ARHGAP32: variants seen among roughly 807,000 people sequenced by gnomAD.
The protein encoded by ARHGAP32 is Rho GTPase activating protein 32, also known as rho GTPase-activating protein 32.
Under a neutral mutation model 186.5 loss-of-function variants are expected in ARHGAP32, and 51 were observed. The observed-to-expected ratio is 0.27, with a 90% CI of 0.22 to 0.35. The LOEUF (loss-of-function observed/expected upper bound fraction) is 0.35, where lower values mean the gene tolerates loss of function less well. Among genes scored for constraint, ARHGAP32 ranks in the 10% least tolerant of loss-of-function variants. ARHGAP32 has a pLI of 1.00. For synonymous variants in ARHGAP32, 950 were observed against 964.3 expected (o/e 0.99, Z 0.27); for missense variants, 2,186 against 2,623.5 (o/e 0.83, Z 3.64).
At chr11:129,214,005 C>T (rs1463544664) in intron 1 of ARHGAP32, among the ~76,000 whole-genome samples, 2 of 151,692 alleles carry the variant, frequency 1.3e-5, no homozygotes, top group Admixed American at 6.6e-5. Context: ...CCGGAAAACC[C>T]GTAACTCCAG....
intron 1 of ARHGAP32, among the ~76,000 whole-genome samples, chr11:129,259,921 A>T (rs1296216733): frequency 6.6e-6 from 1 of 152,118 alleles, no homozygotes; most frequent in Non-Finnish European, 1.5e-5. Context: ...TCATTCAACA[A>T]TTCTGTAGAA....
At chr11:129,266,312 T>C (rs1262892267) in intron 1 of ARHGAP32, among the ~76,000 whole-genome samples, 1 of 152,190 alleles carries the variant, frequency 6.6e-6, no homozygotes, top group Non-Finnish European at 1.5e-5. Flanking sequence ...CCTCTTACTC[T>C]TTCAGGTGGA....
rs1355572890 is a variant in ARHGAP32 at position 128,990,661 on chromosome 11, C to A, written c.1196-2536G>T. On this transcript the variant is annotated intron_variant, in intron 12 of 22. Coordinates refer to ENST00000682385, the MANE Select transcript of ARHGAP32 (RefSeq NM_001378024.1). ...TTGATATTAGAAGCAACCTCTGTGTCGAAATGATATGCAAAATACATAGCA... is the reference window on the plus strand; with the variant it reads ...TTGATATTAGAAGCAACCTCTGTGTAGAAATGATATGCAAAATACATAGCA... Among the ~76,000 whole-genome samples, 3 of 152,092 alleles carry A rather than the reference C, an allele frequency of 2.0e-5. No individual in the cohort carries two copies. In the East Asian group the frequency reaches 5.8e-4, roughly 29 times the overall value.
At chr11:129,235,991 T>A (rs1388617134) in intron 1 of ARHGAP32, among the ~76,000 whole-genome samples, 1 of 151,798 alleles carries the variant, frequency 6.6e-6, no homozygotes, top group Non-Finnish European at 1.5e-5. Flanking sequence ...TTTGGGCCAG[T>A]TCCATATTTT....
intron 2 of ARHGAP32, among the ~76,000 whole-genome samples, chr11:129,156,136 C>A (rs1391073793): frequency 2.0e-5 from 3 of 152,216 alleles, no homozygotes; most frequent in Admixed American, 2.0e-4. Flanking sequence ...CCACCAGGAC[C>A]CTGGTTTCAA....
chr11:129,194,867 G>T (rs1944371136), upstream of ARHGAP32, among the ~76,000 whole-genome samples: 1 of 147,156 alleles, frequency 6.8e-6, no homozygotes, highest in Non-Finnish European at 1.5e-5. Context: ...TAAAGAATTG[G>T]ATTTTTAAAT....
chr11:129,165,907 G>A (rs758057437), intron 1 of ARHGAP32, among the ~76,000 whole-genome samples: 15 of 152,008 alleles, frequency 9.9e-5, no homozygotes, highest in Non-Finnish European at 1.9e-4. Flanking sequence ...TCTGAACACA[G>A]TATGGGGAGA....
intron 5 of ARHGAP32, among the ~76,000 whole-genome samples, chr11:129,100,417 C>T (rs1941859851): frequency 6.6e-6 from 1 of 152,182 alleles, no homozygotes; most frequent in Non-Finnish European, 1.5e-5. Flanking sequence ...CCATGCCTGA[C>T]CTGTGGAGAG....
chr11:129,204,279 C>T (rs1038955386), intron 1 of ARHGAP32, among the ~76,000 whole-genome samples: 1 of 151,926 alleles, frequency 6.6e-6, no homozygotes, highest in Non-Finnish European at 1.5e-5. Context: ...GTTAATGATA[C>T]TGCAAATAAA....
intron 2 of ARHGAP32, among the ~76,000 whole-genome samples, chr11:129,147,992 A>G (rs1369585241): frequency 2.0e-5 from 3 of 152,232 alleles, no homozygotes; most frequent in South Asian, 2.1e-4. Context: ...ACAGCATACT[A>G]TAAGAAGTGA....
At chr11:129,215,649 C>G (rs1327258078) in intron 1 of ARHGAP32, among the ~76,000 whole-genome samples, 1 of 152,114 alleles carries the variant, frequency 6.6e-6, no homozygotes, top group Non-Finnish European at 1.5e-5. Flanking sequence ...GTTATTACAT[C>G]TACTACTCAG....
chr11:129,095,056 T>G (rs1330592128), intron 5 of ARHGAP32, among the ~76,000 whole-genome samples: 1 of 152,218 alleles, frequency 6.6e-6, no homozygotes, highest in Non-Finnish European at 1.5e-5. Flanking sequence ...CAAAGTATTT[T>G]TTTAAACTTC....
upstream of ARHGAP32, among the ~76,000 whole-genome samples, chr11:129,279,599 C>G (rs889502497): frequency 4.4e-3 from 643 of 146,528 alleles, 10 homozygotes; most frequent in Non-Finnish European, 3.4e-3. Flanking sequence ...TCCGCCTCCT[C>G]CTGCACCCGC....
intron 21 of ARHGAP32, chr11:128,973,670 T>TG (rs201292194): frequency 3.5e-4 from 193 of 559,036 alleles, no homozygotes; most frequent in Middle Eastern, 1.9e-3. Flanking sequence ...GTTACAGAGA[T>TG]GGGGGGGAAA....
intron 1 of ARHGAP32, among the ~76,000 whole-genome samples, chr11:129,203,251 G>GT (rs11387129): frequency 0.19 from 29,582 of 152,088 alleles, 3,069 homozygotes; most frequent in Non-Finnish European, 0.23. Context: ...GTGACGACCC[G>GT]TTTTTGCCTT....
chr11:129,136,123 C>T (rs534211919), intron 2 of ARHGAP32, among the ~76,000 whole-genome samples: 1 of 151,850 alleles, frequency 6.6e-6, no homozygotes, highest in African/African-American at 2.4e-5. Context: ...AAACATTAAC[C>T]TAAAAAAAGA....
intron 10 of ARHGAP32, among the ~76,000 whole-genome samples, chr11:129,056,828 GA>G (rs1940272106): frequency 6.6e-6 from 1 of 152,132 alleles, no homozygotes; most frequent in African/African-American, 2.4e-5. Flanking sequence ...TCAAGAGGGT[GA>G]CACCTCAGCT....
At chr11:129,180,152 T>C (rs1944023242) in intron 1 of ARHGAP32, among the ~76,000 whole-genome samples, 1 of 152,080 alleles carries the variant, frequency 6.6e-6, no homozygotes, top group South Asian at 2.1e-4. Context: ...TCAACAATAC[T>C]AGTTTTAATA....
chr11:129,252,119 T>C (rs1945194120), intron 1 of ARHGAP32, among the ~76,000 whole-genome samples: 1 of 152,164 alleles, frequency 6.6e-6, no homozygotes, highest in Admixed American at 6.5e-5. Flanking sequence ...AGACCAATTC[T>C]AAATTAACTT....
Sources: gnomAD v4.1 joint callset for allele counts (sites outside exome capture counted in the v4.1 genomes callset) on GRCh38, gnomAD v4.1.1 for gene constraint, MANE v1.5 for transcripts, NCBI Gene and HGNC (gene_info 2026-07-23, HGNC 2026-07-21) for gene names.